The following AP1G1 variants were observed in gnomAD, a reference collection of about 807,000 sequenced individuals.
AP1G1 encodes the protein AP-1 complex subunit gamma-1.
Under a neutral mutation model 108.3 loss-of-function variants are expected in AP1G1, and 7 were observed. The ratio of observed to expected loss-of-function variants is 0.06; its 90% confidence interval spans 0.04 to 0.12. The LOEUF (loss-of-function observed/expected upper bound fraction) is 0.12. Ranked by LOEUF, AP1G1 falls within the 10% of genes least tolerant of loss-of-function variation. The pLI, the probability that AP1G1 is intolerant of heterozygous loss-of-function variation, is 1.00. For synonymous variants in AP1G1, 379 were observed against 353.5 expected, an observed-to-expected ratio of 1.07 and a Z score of -0.81; for missense variants, 756 against 1,010.7, an observed-to-expected ratio of 0.75 and a Z score of 3.42.
intron 19 of AP1G1, among the ~76,000 whole-genome samples, chr16:71,744,574 T>TG (rs1435854307): frequency 6.9e-6 from 1 of 145,476 alleles, no homozygotes; most frequent in Non-Finnish European, 1.5e-5. Flanking sequence ...AAAGTGTGTT[T>TG]TTTTTTTTTT....
intron 4 of AP1G1, among the ~76,000 whole-genome samples, chr16:71,772,123 TTTTTC>T (rs2031595983): frequency 7.8e-6 from 1 of 127,872 alleles, no homozygotes; most frequent in South Asian, 2.8e-4. Flanking sequence ...AAAATATCTT[TTTTTC>T]TTTTCTTTTC....
chr16:71,790,077 G>A (rs1395430335), intron 1 of AP1G1, among the ~76,000 whole-genome samples: 1 of 143,554 alleles, frequency 7.0e-6, no homozygotes, highest in African/African-American at 2.6e-5. Flanking sequence ...AAGGCTATTA[G>A]TGTCATGAAT....
At chr16:71,775,405 C>T (rs1466678323) in intron 2 of AP1G1, among the ~76,000 whole-genome samples, 1 of 152,120 alleles carries the variant, frequency 6.6e-6, no homozygotes, top group Admixed American at 6.6e-5. Flanking sequence ...AGTTCTAGAA[C>T]AGATCATTTT....
In AP1G1 at chr16:71,773,804, G is replaced by A. The variant is rs1007114203; in HGVS notation, c.327-442C>T. ...CTAAAACTGTAAAAATTGGCCGAGC[G>A]TGGTGGCGGGCGCCTATAATCCCAG... is the stretch of plus-strand genomic sequence containing the variant. On this transcript the variant is annotated intron_variant, in intron 3 of 22. Transcript: ENST00000299980. 7.9e-5 allele frequency among the ~76,000 whole-genome samples: 12 copies of A among 151,866 alleles called. No individual in the cohort carries two copies. In the South Asian group the frequency reaches 1.0e-3, roughly 13 times the overall value.
intron 17 of AP1G1, 45 bp from the exon 18 acceptor site, chr16:71,745,659 T>C (rs754527111): frequency 1.3e-6 from 2 of 1,528,086 alleles, no homozygotes; most frequent in Admixed American, 1.7e-5. Context: ...TTAACCTAGA[T>C]TCCCTACCCA....
At chr16:71,761,226 T>C (rs139663785) in intron 10 of AP1G1, among the ~76,000 whole-genome samples, 3 of 152,210 alleles carry the variant, frequency 2.0e-5, no homozygotes, top group East Asian at 3.9e-4. Context: ...CAGAGGTGAG[T>C]AGTTACCAAA....
At chr16:71,733,701 G>A (rs2045498312) in intron 22 of AP1G1, among the ~76,000 whole-genome samples, 1 of 152,066 alleles carries the variant, frequency 6.6e-6, no homozygotes, top group Non-Finnish European at 1.5e-5. Context: ...TTTTCAAAAA[G>A]ATTCAAACCT....
At chr16:71,774,343 G>T in intron 3 of AP1G1, 125 bp downstream of exon 3, 1 of 950,552 alleles carries the variant, frequency 1.1e-6, no homozygotes, top group Non-Finnish European at 1.6e-6. Flanking sequence ...GGAGGAGGAT[G>T]CAGTGAGTCA....
At chr16:71,771,419 C>G (rs1277135569) in intron 4 of AP1G1, among the ~76,000 whole-genome samples, 167 bp from the exon 5 acceptor site, 1 of 152,090 alleles carries the variant, frequency 6.6e-6, no homozygotes, top group African/African-American at 2.4e-5. Context: ...ACAGTGATAG[C>G]CCACTCCTAT....
intron 1 of AP1G1, among the ~76,000 whole-genome samples, chr16:71,804,408 ATTTT>A (rs71153664): frequency 1.6e-5 from 2 of 124,754 alleles, no homozygotes; most frequent in Non-Finnish European, 1.6e-5. Flanking sequence ...TGCTCTCTTA[ATTTT>A]TTTTTTTTTT....
chr16:71,779,138 A>C (rs1358814191), intron 2 of AP1G1, among the ~76,000 whole-genome samples: 3 of 152,172 alleles, frequency 2.0e-5, no homozygotes, highest in Non-Finnish European at 4.4e-5. Context: ...AACAAGCCTA[A>C]GAGATCGAAG....
intron 19 of AP1G1, among the ~76,000 whole-genome samples, chr16:71,740,724 C>A (rs1313647709): frequency 6.6e-6 from 1 of 152,134 alleles, no homozygotes. Flanking sequence ...ATACTACATA[C>A]TATATCAAGA....
chr16:71,739,887 C>A (rs2045597339), intron 19 of AP1G1, among the ~76,000 whole-genome samples: 1 of 151,990 alleles, frequency 6.6e-6, no homozygotes, highest in Non-Finnish European at 1.5e-5. Flanking sequence ...TTAAAAGTGT[C>A]AAGATATAAA....
In AP1G1 at chr16:71,744,821, C is replaced by T. The variant is rs543347392; in HGVS notation, c.1999+323G>A. Reference sequence around the variant, plus strand: ...GAACTCCTGACCTCAGGTGATCCACCTGCCTCTGCCTCCCAAAGTGCTGGG... The same window carrying T: ...GAACTCCTGACCTCAGGTGATCCACTTGCCTCTGCCTCCCAAAGTGCTGGG... On this transcript the variant is annotated intron_variant, in intron 19 of 22. Transcript: ENST00000299980. Among the ~76,000 whole-genome samples, 3 of 152,254 alleles carry T rather than the reference C, an allele frequency of 2.0e-5. No homozygotes were observed. The South Asian group carries it at 6.2e-4, about 32-fold the overall frequency.
intron 2 of AP1G1, among the ~76,000 whole-genome samples, chr16:71,787,718 C>A (rs1434279048): frequency 6.6e-6 from 1 of 152,156 alleles, no homozygotes; most frequent in Non-Finnish European, 1.5e-5. Context: ...TATACTATGA[C>A]ACACAGTATA....
chr16:71,745,315 C>G (rs758604819), intron 18 of AP1G1, 45 bp from the exon 19 acceptor site: 10 of 1,611,232 alleles, frequency 6.2e-6, no homozygotes, highest in Non-Finnish European at 8.5e-7. Flanking sequence ...TTTGATTTGT[C>G]TAGTATACAT....
At chr16:71,791,473 A>C (rs2032395727) in intron 1 of AP1G1, among the ~76,000 whole-genome samples, 1 of 152,016 alleles carries the variant, frequency 6.6e-6, no homozygotes, top group Non-Finnish European at 1.5e-5. Flanking sequence ...ATTACTGTAA[A>C]ATCTTGTGAA....
chr16:71,788,290 A>C (rs2032280722), intron 2 of AP1G1, among the ~76,000 whole-genome samples: 1 of 152,194 alleles, frequency 6.6e-6, no homozygotes, highest in African/African-American at 2.4e-5. Context: ...TTAGCATATA[A>C]TACAATTCTT....
At chr16:71,749,575 A>C (rs1184377769) in intron 15 of AP1G1, among the ~76,000 whole-genome samples, 2 of 152,078 alleles carry the variant, frequency 1.3e-5, no homozygotes, top group African/African-American at 4.8e-5. Context: ...TGCTTCTTTA[A>C]AAAGTTGGGT....
Sources: gnomAD v4.1 joint callset for allele counts (sites outside exome capture counted in the v4.1 genomes callset) on GRCh38, gnomAD v4.1.1 for gene constraint, MANE v1.5 for transcripts, NCBI Gene and HGNC (gene_info 2026-07-23, HGNC 2026-07-21) for gene names.